The following CNTN3 variants were observed in gnomAD, a reference collection of about 807,000 sequenced individuals.
The protein encoded by CNTN3 is contactin 3.
A neutral mutation model predicts 119.1 loss-of-function variants in CNTN3; 60 were observed. The ratio of observed to expected loss-of-function variants is 0.50; its 90% CI spans 0.41 to 0.62. CNTN3 has a LOEUF of 0.62. CNTN3 is among the 20% of genes least tolerant of loss of function. The pLI is 0.00. For synonymous variants in CNTN3, 450 were observed against 438.7 expected, an observed-to-expected ratio of 1.03 and a Z score of -0.32; for missense variants, 1,101 against 1,242.4, an observed-to-expected ratio of 0.89 and a Z score of 1.71.
At chr3:74,288,785 A>G (rs6766107) in intron 19 of CNTN3, among the ~76,000 whole-genome samples, 1 of 152,096 alleles carries the variant, frequency 6.6e-6, no homozygotes, top group Non-Finnish European at 1.5e-5. Context: ...GGCACCCAGG[A>G]TCCATGAACT....
At chr3:74,494,296 C>T (rs79176666) in intron 3 of CNTN3, among the ~76,000 whole-genome samples, 2,045 of 152,048 alleles carry the variant, frequency 0.013, 52 homozygotes, top group African/African-American at 0.047. Flanking sequence ...TGAAAAAACA[C>T]AAGAAAGAGA....
At chr3:74,426,754 T>G (rs1324063265) in intron 4 of CNTN3, among the ~76,000 whole-genome samples, 3 of 152,152 alleles carry the variant, frequency 2.0e-5, no homozygotes, top group African/African-American at 7.2e-5. Flanking sequence ...AAACATTAAG[T>G]CTCTTGGAAT....
At chr3:74,437,613 G>A (rs183362996) in intron 4 of CNTN3, among the ~76,000 whole-genome samples, 346 of 152,132 alleles carry the variant, frequency 2.3e-3, no homozygotes, top group Middle Eastern at 0.014. Flanking sequence ...TTTAAAACAC[G>A]AACAATTACT....
chr3:74,304,671 C>G (rs1702524922), intron 13 of CNTN3, among the ~76,000 whole-genome samples: 1 of 152,158 alleles, frequency 6.6e-6, no homozygotes, highest in Non-Finnish European at 1.5e-5. Context: ...CTTCTGTTCA[C>G]TCTTGGCACT....
At chr3:74,293,065 TTC>T (rs1702266505) in intron 19 of CNTN3, among the ~76,000 whole-genome samples, 1 of 152,242 alleles carries the variant, frequency 6.6e-6, no homozygotes, top group African/African-American at 2.4e-5. Flanking sequence ...CTGATCAGGC[TTC>T]TCTGTCAAGA....
chr3:74,503,911 C>G (rs1322990767), intron 2 of CNTN3, among the ~76,000 whole-genome samples: 2 of 152,026 alleles, frequency 1.3e-5, no homozygotes, highest in East Asian at 1.9e-4. Context: ...ATTTTTCCCC[C>G]CTAACACCTA....
chr3:74,553,199 T>A (rs1051366781), intron 1 of CNTN3, among the ~76,000 whole-genome samples: 7 of 151,758 alleles, frequency 4.6e-5, no homozygotes, highest in African/African-American at 1.5e-4. Context: ...GGTTTTCTGA[T>A]CTTGTGATAG....
intron 2 of CNTN3, among the ~76,000 whole-genome samples, chr3:74,504,947 T>C (rs1333712745): frequency 6.6e-6 from 1 of 152,150 alleles, no homozygotes; most frequent in Non-Finnish European, 1.5e-5. Flanking sequence ...GCTGAAAGTC[T>C]GTATCAAGGT....
At chr3:74,488,119 T>C (rs957088647) in intron 3 of CNTN3, among the ~76,000 whole-genome samples, 6 of 151,842 alleles carry the variant, frequency 4.0e-5, no homozygotes, top group Admixed American at 1.3e-4. Context: ...ACCTCAACTT[T>C]TTTTTTGTTT....
intron 1 of CNTN3, among the ~76,000 whole-genome samples, chr3:74,592,459 A>T (rs1704719381): frequency 6.7e-6 from 1 of 149,470 alleles, no homozygotes; most frequent in Admixed American, 6.6e-5. Context: ...CTTGGCAAAA[A>T]GAAAAACAGA....
At chr3:74,336,754 G>C (rs1703405107) in intron 11 of CNTN3, 96 bp from the exon 12 acceptor site, 1 of 883,206 alleles carries the variant, frequency 1.1e-6, no homozygotes, top group Non-Finnish European at 1.6e-6. Context: ...CCTTAAGCTA[G>C]TATTTTTAAG....
At chr3:74,530,710 C>A (rs1465418623) in intron 1 of CNTN3, among the ~76,000 whole-genome samples, 1 of 151,794 alleles carries the variant, frequency 6.6e-6, no homozygotes, top group East Asian at 1.9e-4. Flanking sequence ...TATTATATAT[C>A]CTGGGATGGA....
chr3:74,557,347 A>G (rs1704086053), intron 1 of CNTN3, among the ~76,000 whole-genome samples: 1 of 152,166 alleles, frequency 6.6e-6, no homozygotes. Context: ...TCTTTGGCAG[A>G]TGGATATCCA....
intron 11 of CNTN3, among the ~76,000 whole-genome samples, chr3:74,355,238 G>A (rs1273214546): frequency 6.6e-6 from 1 of 152,022 alleles, no homozygotes; most frequent in Admixed American, 6.6e-5. Flanking sequence ...ATTTATCCTC[G>A]ACTCCTGTCT....
intron 4 of CNTN3, among the ~76,000 whole-genome samples, chr3:74,451,184 T>C (rs1702147002): frequency 1.3e-5 from 2 of 152,162 alleles, no homozygotes; most frequent in Non-Finnish European, 2.9e-5. Context: ...TGTTGTTTCC[T>C]GACTTTTTAA....
At chr3:74,455,090 C>G (rs982042895) in intron 4 of CNTN3, among the ~76,000 whole-genome samples, 3 of 152,072 alleles carry the variant, frequency 2.0e-5, no homozygotes, top group Admixed American at 2.0e-4. Context: ...TGGATAATAT[C>G]CTGCAGAGTG....
intron 5 of CNTN3, among the ~76,000 whole-genome samples, chr3:74,389,605 T>C (rs1704842338): frequency 6.6e-6 from 1 of 152,208 alleles, no homozygotes; most frequent in African/African-American, 2.4e-5. Context: ...GACATCTCTT[T>C]TAATCTTCAC....
chr3:74,451,415 C>T (rs1271146198), intron 4 of CNTN3, among the ~76,000 whole-genome samples: 2 of 151,968 alleles, frequency 1.3e-5, no homozygotes, highest in Admixed American at 1.3e-4. Context: ...TGGATATTAG[C>T]CCTTTGTCAG....
intron 5 of CNTN3, among the ~76,000 whole-genome samples, chr3:74,397,854 T>C (rs1705094903): frequency 6.6e-6 from 1 of 152,154 alleles, no homozygotes; most frequent in African/African-American, 2.4e-5. Flanking sequence ...CTAACTTTCA[T>C]GTATGACTTT....
Sources: gnomAD v4.1 joint callset for allele counts (sites outside exome capture counted in the v4.1 genomes callset) on GRCh38, gnomAD v4.1.1 for gene constraint, MANE v1.5 for transcripts, NCBI Gene and HGNC (gene_info 2026-07-23, HGNC 2026-07-21) for gene names.